The following ABLIM1 variants were observed in gnomAD, a reference collection of about 807,000 sequenced individuals.
ABLIM1 encodes actin-binding LIM protein 1.
A neutral mutation model predicts 107.0 loss-of-function variants in ABLIM1; 40 were observed. The ratio of observed to expected loss-of-function variants is 0.37; its 90% CI spans 0.29 to 0.49. The LOEUF is 0.49. ABLIM1 is among the 20% of genes least tolerant of loss of function. The pLI, the probability that ABLIM1 is intolerant of heterozygous loss-of-function variation, is 0.97. For missense variants in ABLIM1, 857 were observed against 1,008.5 expected, an observed-to-expected ratio of 0.85 and a Z score of 2.04; for synonymous variants, 357 against 357.3, an observed-to-expected ratio of 1.00 and a Z score of 0.01.
chr10:114,655,996 C>T (rs897582506), intron 1 of ABLIM1, among the ~76,000 whole-genome samples: 4 of 152,056 alleles, frequency 2.6e-5, no homozygotes, highest in Non-Finnish European at 5.9e-5. Context: ...TAAGGCCGGG[C>T]GCGGTGGCTC....
chr10:114,798,000 A>T, the ABLIM1 span, among the ~76,000 whole-genome samples: 1 of 152,234 alleles, frequency 6.6e-6, no homozygotes, highest in Admixed American at 6.5e-5. Context: ...AGTAAAATAA[A>T]TTACTTATTT....
rs1044863623 is a variant in ABLIM1, at chr10:114,680,682, A to G, written c.64+3608T>C. Among the ~76,000 whole-genome samples the G allele has an allele frequency of 3.9e-5, 6 of 152,264 alleles. No homozygotes were observed. The South Asian group carries it at 6.2e-4, about 16-fold the overall frequency. On this transcript the variant is annotated intron_variant, in intron 1 of 23. Transcript: ENST00000369256. ...CCGAAGGATCCCCCGGGCCTTCCCT[A>G]GCCAGCTTTCTAACATCTTTAGATG... is the stretch of plus-strand genomic sequence containing the variant.
intron 2 of ABLIM1, among the ~76,000 whole-genome samples, chr10:114,586,495 G>T (rs527546182): frequency 5.6e-4 from 85 of 152,298 alleles, no homozygotes; most frequent in African/African-American, 1.9e-3. Flanking sequence ...AGAAGTCAGG[G>T]TAATGATGGT....
rs114659556 is a variant in ABLIM1 at position 114,579,116 on chromosome 10, C to T, written c.380-3517G>A. The stretch of plus-strand genomic sequence containing the variant: ...GAGGTGTTTCTTTGATCCATTCCCT[C>T]CTCTGCCTTCTTGCTATCACTACTC... On this transcript the variant is annotated intron_variant, in intron 2 of 22. Transcript: ENST00000533213. 7.9e-3 allele frequency among the ~76,000 whole-genome samples: 1,196 copies of T among 152,236 alleles called. 22 individuals carry two copies. Among genetic ancestry groups the T allele is most frequent in the African/African-American group, 0.027 (1,139 of 41,530 alleles).
At chr10:114,501,338 T>C (rs538506748) in intron 6 of ABLIM1, among the ~76,000 whole-genome samples, 1 of 152,348 alleles carries the variant, frequency 6.6e-6, no homozygotes, top group South Asian at 2.1e-4. Context: ...AGAGCCAATG[T>C]TGTTTTCCCA....
chr10:114,554,785 T>C (rs2068516681), intron 4 of ABLIM1, among the ~76,000 whole-genome samples: 1 of 152,174 alleles, frequency 6.6e-6, no homozygotes, highest in Admixed American at 6.5e-5. Context: ...GTCTTCACTG[T>C]TTTGTCCCCT....
intron 12 of ABLIM1, among the ~76,000 whole-genome samples, chr10:114,454,533 A>C (rs1408182480): frequency 2.0e-5 from 3 of 152,136 alleles, no homozygotes; most frequent in African/African-American, 7.2e-5. Context: ...CCTTGTCTGG[A>C]AGGCATGGTG....
intron 12 of ABLIM1, among the ~76,000 whole-genome samples, chr10:114,458,640 CG>C (rs923383654): frequency 5.9e-5 from 9 of 152,168 alleles, no homozygotes; most frequent in African/African-American, 2.2e-4. Context: ...ATAAGAGTTA[CG>C]GTTTCCTTCA....
intron 2 of ABLIM1, among the ~76,000 whole-genome samples, chr10:114,579,580 T>C (rs1429890093): frequency 6.6e-6 from 1 of 152,222 alleles, no homozygotes; most frequent in Non-Finnish European, 1.5e-5. Context: ...TTATTTTTAA[T>C]TGTGACAAAA....
chr10:114,704,260 A>ATCTCTCTCTC (rs1346726796), intron 1 of ABLIM1, among the ~76,000 whole-genome samples: 7 of 50,052 alleles, frequency 1.4e-4, no homozygotes, highest in South Asian at 7.5e-4. Flanking sequence ...CTGACACTCT[A>ATCTCTCTCTC]TCTCTCTCTC....
At chr10:114,563,470 T>C (rs1000461229) in intron 4 of ABLIM1, among the ~76,000 whole-genome samples, 5 of 152,140 alleles carry the variant, frequency 3.3e-5, no homozygotes, top group Non-Finnish European at 7.4e-5. Flanking sequence ...TAAAATGCAA[T>C]TGGTTATGCG....
At chr10:114,513,761 C>T (rs941030389) in intron 6 of ABLIM1, among the ~76,000 whole-genome samples, 3 of 152,154 alleles carry the variant, frequency 2.0e-5, no homozygotes, top group Admixed American at 2.0e-4. Flanking sequence ...TACAAGCAAT[C>T]GATTTTTCCA....
chr10:114,575,232 C>A (rs894461535), intron 3 of ABLIM1, among the ~76,000 whole-genome samples, 184 bp downstream of exon 3: 1 of 152,168 alleles, frequency 6.6e-6, no homozygotes, highest in Admixed American at 6.5e-5. Context: ...TAGAGGACAT[C>A]ACACATACAG....
intron 1 of ABLIM1, among the ~76,000 whole-genome samples, chr10:114,738,851 G>C (rs2082234230): frequency 6.6e-6 from 1 of 152,134 alleles, no homozygotes; most frequent in African/African-American, 2.4e-5. Flanking sequence ...TTTCTAGAGT[G>C]GTCAGGATGC....
chr10:114,603,226 G>A (rs560118926), intron 1 of ABLIM1, among the ~76,000 whole-genome samples: 17 of 152,174 alleles, frequency 1.1e-4, no homozygotes, highest in African/African-American at 1.4e-4. Context: ...CAAGGAGCTC[G>A]CTGTATACCA....
At chr10:114,671,841 T>A (rs1362995761) in intron 1 of ABLIM1, among the ~76,000 whole-genome samples, 1 of 152,200 alleles carries the variant, frequency 6.6e-6, no homozygotes, top group Non-Finnish European at 1.5e-5. Flanking sequence ...TGCCTTTTTC[T>A]TATTGATTTG....
At chr10:114,757,826 G>C (rs1005959963) in intron 1 of ABLIM1, among the ~76,000 whole-genome samples, 2 of 152,024 alleles carry the variant, frequency 1.3e-5, no homozygotes, top group African/African-American at 4.8e-5. Context: ...CTAACTCAGG[G>C]AAGAACTCAA....
intron 4 of ABLIM1, among the ~76,000 whole-genome samples, chr10:114,559,699 C>G (rs756504279): frequency 6.6e-6 from 1 of 152,182 alleles, no homozygotes; most frequent in Non-Finnish European, 1.5e-5. Context: ...ATTATGTGAT[C>G]CCTGAGCCAC....
chr10:114,684,491 G>T (rs1349255248), exon 1 of ABLIM1: 8 of 1,439,596 alleles, frequency 5.6e-6, no homozygotes, highest in African/African-American at 1.4e-5. Context: ...CGAGGGAGGG[G>T]TGTGCCACCG....
Sources: allele counts gnomAD v4.1 joint callset (sites outside exome capture counted in the v4.1 genomes callset), GRCh38; gene constraint gnomAD v4.1.1; transcripts MANE v1.5; gene names NCBI Gene and HGNC (gene_info 2026-07-23, HGNC 2026-07-21).